Variants in CSMD1 observed in about 807,000 individuals in gnomAD.
CSMD1 encodes the protein CUB and Sushi multiple domains 1.
Under a neutral mutation model 417.5 loss-of-function variants are expected in CSMD1, and 213 were observed. The ratio of observed to expected loss-of-function variants is 0.51; its 90% confidence interval spans 0.46 to 0.57. The LOEUF is 0.57. Ranked by LOEUF, CSMD1 falls within the 20% of genes least tolerant of loss-of-function variation. The pLI is 0.00. For missense variants in CSMD1, 6,923 were observed against 4,529.7 expected (o/e 1.53, Z -15.17); for synonymous variants, 2,862 against 1,736.8 (o/e 1.65, Z -16.11).
intron 2 of CSMD1, among the ~76,000 whole-genome samples, chr8:4,581,409 T>C (rs924927787): frequency 6.6e-6 from 1 of 152,232 alleles, no homozygotes. Flanking sequence ...ATGACTCCAA[T>C]TTTTATCTTT....
At chr8:3,536,495 G>A (rs539795855) in intron 10 of CSMD1, among the ~76,000 whole-genome samples, 1 of 152,140 alleles carries the variant, frequency 6.6e-6, no homozygotes, top group Non-Finnish European at 1.5e-5. Flanking sequence ...TGGGGATTAT[G>A]TTTTTTCCTC....
intron 3 of CSMD1, among the ~76,000 whole-genome samples, chr8:4,275,998 T>C (rs139419480): frequency 4.4e-4 from 67 of 152,214 alleles, no homozygotes; most frequent in African/African-American, 1.4e-3. Context: ...TGTGGAGAAA[T>C]AGGAATGCTT....
intron 3 of CSMD1, among the ~76,000 whole-genome samples, chr8:4,140,136 T>C (rs1803694916): frequency 1.3e-5 from 2 of 150,912 alleles, no homozygotes; most frequent in South Asian, 4.1e-4. Context: ...GAGGATTCCT[T>C]GAGCCCAGGG....
intron 3 of CSMD1, among the ~76,000 whole-genome samples, chr8:4,233,100 C>T (rs1563312292): frequency 6.6e-6 from 1 of 152,188 alleles, no homozygotes; most frequent in South Asian, 2.1e-4. Context: ...CTGAACTGCA[C>T]AGTTGGAAAA....
At chr8:3,188,781 G>C (rs1174115479) in intron 35 of CSMD1, 106 bp downstream of exon 35, 8 of 981,592 alleles carry the variant, frequency 8.2e-6, no homozygotes, top group African/African-American at 6.6e-5. Flanking sequence ...AAAAGAGAGA[G>C]GGAGAGAGAG....
chr8:3,569,727 G>A (rs1006573813), intron 10 of CSMD1, among the ~76,000 whole-genome samples: 2 of 152,084 alleles, frequency 1.3e-5, no homozygotes, highest in Admixed American at 6.6e-5. Context: ...GTCTCCCAAG[G>A]AATCAAATTA....
intron 2 of CSMD1, among the ~76,000 whole-genome samples, chr8:4,511,276 C>A (rs1312517792): frequency 2.0e-5 from 3 of 152,034 alleles, no homozygotes; most frequent in Non-Finnish European, 4.4e-5. Flanking sequence ...AGAAATAGTC[C>A]CAGGGCTGGG....
At chr8:4,426,726 A>G (rs1797581543) in intron 2 of CSMD1, among the ~76,000 whole-genome samples, 1 of 147,468 alleles carries the variant, frequency 6.8e-6, no homozygotes, top group Non-Finnish European at 1.5e-5. Flanking sequence ...TTATTACTAT[A>G]TACATTTATT....
intron 7 of CSMD1, among the ~76,000 whole-genome samples, chr8:3,618,491 A>G (rs1232121686): frequency 6.6e-6 from 1 of 152,050 alleles, no homozygotes; most frequent in East Asian, 1.9e-4. Flanking sequence ...ATAACATCTA[A>G]ACATTATTTT....
intron 1 of CSMD1, among the ~76,000 whole-genome samples, chr8:4,863,091 G>C (rs1358549825): frequency 6.6e-6 from 1 of 152,032 alleles, no homozygotes; most frequent in Non-Finnish European, 1.5e-5. Context: ...ATAGTAGCCG[G>C]AAAGCTCAGT....
At chr8:4,924,842 C>A (rs553297136) in intron 1 of CSMD1, among the ~76,000 whole-genome samples, 36 of 150,708 alleles carry the variant, frequency 2.4e-4, no homozygotes, top group African/African-American at 7.4e-4. Context: ...TATTACAGTT[C>A]GGGAAGAAAA....
intron 1 of CSMD1, among the ~76,000 whole-genome samples, chr8:4,778,560 C>A (rs765693359): frequency 1.3e-5 from 2 of 152,162 alleles, no homozygotes; most frequent in Non-Finnish European, 2.9e-5. Flanking sequence ...ATACTTCCCG[C>A]TAGGAAGATC....
chr8:3,809,160 A>G lies in CSMD1; in HGVS notation c.819-55118T>C, dbSNP rs7013925. On this transcript the variant is annotated intron_variant, in intron 5 of 69. Coordinates refer to ENST00000635120, the MANE Select transcript of CSMD1 (RefSeq NM_033225.6). ...CTTCCTCTTTCCCCTTCCAGCCCCC[A>G]CAGACCTCATTCTTACTGTCCTTTA... is the stretch of plus-strand genomic sequence containing the variant. Among the ~76,000 whole-genome samples, 1,093 of 152,170 alleles carry G rather than the reference A, an allele frequency of 7.2e-3. 14 individuals carry two copies. Among genetic ancestry groups the G allele is most frequent in the African/African-American group, 0.025 (1,030 of 41,542 alleles).
intron 3 of CSMD1, among the ~76,000 whole-genome samples, chr8:4,082,438 A>G (rs972825174): frequency 2.6e-5 from 4 of 152,238 alleles, no homozygotes; most frequent in African/African-American, 7.2e-5. Context: ...TTTTGAAAAT[A>G]GAGGAAGGGC....
intron 8 of CSMD1, among the ~76,000 whole-genome samples, chr8:3,600,086 GA>G (rs1452196514): frequency 3.4e-4 from 52 of 152,278 alleles, no homozygotes; most frequent in African/African-American, 1.2e-3. Flanking sequence ...GAACACTTAA[GA>G]AAAGTCTAGC....
At chr8:3,474,563 A>T (rs1395254971) in intron 11 of CSMD1, among the ~76,000 whole-genome samples, 1 of 152,184 alleles carries the variant, frequency 6.6e-6, no homozygotes, top group Admixed American at 6.5e-5. Flanking sequence ...GTTTAATATT[A>T]GGAGTGTTTT....
intron 1 of CSMD1, among the ~76,000 whole-genome samples, chr8:4,820,654 C>A (rs577935206): frequency 6.6e-6 from 1 of 152,244 alleles, no homozygotes; most frequent in Admixed American, 6.5e-5. Flanking sequence ...ATGATTCAAG[C>A]CTGTGCTTTG....
chr8:4,390,497 T>TTTTAATTATTTATTTA (rs1554457301), intron 3 of CSMD1, among the ~76,000 whole-genome samples: 2 of 140,324 alleles, frequency 1.4e-5, no homozygotes, highest in Admixed American at 7.1e-5. Context: ...AAGCGTCCAT[T>TTTTAATTATTTATTTA]TTTATTTATT....
chr8:3,384,742 A>G (rs1810876306), intron 18 of CSMD1, among the ~76,000 whole-genome samples: 1 of 124,806 alleles, frequency 8.0e-6, no homozygotes, highest in Non-Finnish European at 1.6e-5. Context: ...TATTATATAA[A>G]TATATATTTA....
Sources: gnomAD v4.1 joint callset for allele counts (sites outside exome capture counted in the v4.1 genomes callset) on GRCh38, gnomAD v4.1.1 for gene constraint, MANE v1.5 for transcripts, NCBI Gene and HGNC (gene_info 2026-07-23, HGNC 2026-07-21) for gene names.